PDSS1: variants seen among roughly 807,000 people sequenced by gnomAD.
PDSS1 encodes the protein all trans-polyprenyl-diphosphate synthase PDSS1.
Under a neutral mutation model 57.5 loss-of-function variants are expected in PDSS1, and 43 were observed. The observed-to-expected ratio is 0.75, with a 90% CI of 0.59 to 0.96. The LOEUF (loss-of-function observed/expected upper bound fraction) is 0.96, where lower values mean the gene tolerates loss of function less well. Ranked by LOEUF, PDSS1 falls within the 50% of genes least tolerant of loss-of-function variation. The pLI is 0.00. For synonymous variants in PDSS1, 175 were observed against 191.3 expected, an observed-to-expected ratio of 0.91 and a Z score of 0.70; for missense variants, 438 against 527.8, an observed-to-expected ratio of 0.83 and a Z score of 1.67.
chr10:26,697,862 C>T (rs1421149680), intron 1 of PDSS1, 22 bp downstream of exon 1: 4 of 1,292,818 alleles, frequency 3.1e-6, no homozygotes, highest in South Asian at 2.2e-5. Flanking sequence ...AGGCGCGCGC[C>T]CGGCGGGGCT....
intron 11 of PDSS1, among the ~76,000 whole-genome samples, chr10:26,746,030 C>T (rs184722625): frequency 3.3e-4 from 50 of 152,004 alleles, no homozygotes; most frequent in African/African-American, 1.2e-3. Context: ...ATACTTTGTA[C>T]ATAGAACTTC....
chr10:26,740,745 A>C (rs1836568598), intron 10 of PDSS1: 1 of 454,476 alleles, frequency 2.2e-6, no homozygotes, highest in African/African-American at 2.0e-5. Context: ...GTTAGAGCTC[A>C]AGGGCTTCCA....
chr10:26,732,892 A>C (rs1836262801), intron 8 of PDSS1, among the ~76,000 whole-genome samples: 1 of 152,092 alleles, frequency 6.6e-6, no homozygotes, highest in Non-Finnish European at 1.5e-5. Context: ...AGGCTGAGGC[A>C]GGCGGATCAC....
At chr10:26,742,405 T>G (rs1836652035) in intron 10 of PDSS1, 92 bp from the exon 11 acceptor site, 1 of 923,110 alleles carries the variant, frequency 1.1e-6, no homozygotes, top group Non-Finnish European at 1.7e-6. Context: ...TGTTTCTTGT[T>G]ATTTCCTATT....
rs1165401367 is a variant in PDSS1 at position 26,721,003 on chromosome 10, T to C, written c.609+644T>C. 2.0e-5 allele frequency among the ~76,000 whole-genome samples: 3 copies of C among 152,162 alleles called. No homozygotes were observed. The East Asian group carries it at 5.8e-4, about 29-fold the overall frequency. The stretch of plus-strand genomic sequence containing the variant: ...CATCGCCATCACCACACACGTGCTC[T>C]ACAAACAAAAAGTTTGTGCAGGCCA... On this transcript the variant is annotated intron_variant, in intron 6 of 11. Transcript: ENST00000376215.
At chr10:26,744,217 T>A (rs1049725132) in intron 11 of PDSS1, among the ~76,000 whole-genome samples, 2 of 152,228 alleles carry the variant, frequency 1.3e-5, no homozygotes, top group African/African-American at 4.8e-5. Context: ...GCTCAATGAA[T>A]AGCAAAGATA....
rs778744862 is a variant in PDSS1, at chr10:26,702,172, G to A, written c.140G>A (p.Arg47Gln). ...TTTTTGATTTTACAGGTTCATAGGC[G>A]GAAGGGACTTGACTTGTCTCAGGTA... ...AAEVRAQVHR[R>Q]KGLDLSQIPY... The change falls in exon 2 of 12, where the codon CGG becomes CAG. Residue 47 changes from arginine (R) to glutamine (Q), a missense_variant. By Grantham distance (43) the Arg-to-Gln change is conservative (BLOSUM62 1). Transcript: ENST00000376215. 30 of 455,126 alleles carry A rather than the reference G, an allele frequency of 6.6e-5. No homozygotes were observed. Among genetic ancestry groups the A allele is most frequent in the Admixed American group, 2.1e-4 (9 of 42,436 alleles). 28.2% of individuals were successfully genotyped at this position (455,126 alleles called of 1,614,324 possible).
chr10:26,720,907 AG>A (rs1210235981), intron 6 of PDSS1, among the ~76,000 whole-genome samples: 1 of 152,224 alleles, frequency 6.6e-6, no homozygotes. Context: ...ACTTGGTTTG[AG>A]GATGCATAGA....
In PDSS1 at chr10:26,746,630, T is replaced by G. The variant is rs1046187; in HGVS notation, c.*157T>G. 5,993 of 756,810 alleles carry G rather than the reference T, an allele frequency of 7.9e-3. 147 individuals carry two copies. Among genetic ancestry groups the G allele is most frequent in the African/African-American group, 0.069 (3,928 of 56,678 alleles). The allele number at this position is 756,810 out of a possible 1,614,324, so 46.9% of individuals were successfully genotyped here. ...AATTTATTTTTTTTTATTGCAAAAG[T>G]TTTTTCAGAAAACTTTTTAAATGTA... On this transcript the variant is annotated 3_prime_UTR_variant, in exon 12 of 12. Transcript: ENST00000376215.
intron 4 of PDSS1, 77 bp from the exon 5 acceptor site, chr10:26,709,561 C>CA (rs879190851): frequency 0.055 from 55,943 of 1,022,376 alleles, no homozygotes; most frequent in East Asian, 0.06. Flanking sequence ...AACTCCGTCT[C>CA]AAAAAAAAAA....
At chr10:26,724,652 A>G (rs1373924666) in intron 8 of PDSS1, among the ~76,000 whole-genome samples, 1 of 152,070 alleles carries the variant, frequency 6.6e-6, no homozygotes, top group Non-Finnish European at 1.5e-5. Context: ...ATCTTGGCTC[A>G]CTACAACCTC....
chr10:26,745,025 G>A (rs1458351349), intron 11 of PDSS1, among the ~76,000 whole-genome samples: 4 of 151,850 alleles, frequency 2.6e-5, no homozygotes, highest in South Asian at 4.2e-4. Flanking sequence ...TTAGCCAGGC[G>A]TGGTAGTGCA....
At chr10:26,728,192 C>A (rs1336964343) in intron 8 of PDSS1, among the ~76,000 whole-genome samples, 1 of 152,058 alleles carries the variant, frequency 6.6e-6, no homozygotes, top group African/African-American at 2.4e-5. Flanking sequence ...CCCATCTCTA[C>A]TAAAATTATA....
intron 4 of PDSS1, among the ~76,000 whole-genome samples, chr10:26,707,135 G>T (rs1298490259): frequency 6.6e-6 from 1 of 152,170 alleles, no homozygotes; most frequent in Admixed American, 6.5e-5. Flanking sequence ...GCCAGTGTTG[G>T]GGAGGGGAGC....
chr10:26,728,352 T>A (rs1478670424), intron 8 of PDSS1, among the ~76,000 whole-genome samples: 1 of 151,998 alleles, frequency 6.6e-6, no homozygotes, highest in Admixed American at 6.6e-5. Flanking sequence ...TAGCCGGGCG[T>A]AGTGGCAGGC....
At chr10:26,698,341 C>T (rs1166078677) in intron 1 of PDSS1, among the ~76,000 whole-genome samples, 6 of 152,000 alleles carry the variant, frequency 3.9e-5, no homozygotes, top group Non-Finnish European at 7.4e-5. Context: ...AGGGCTGGTG[C>T]TAGGGTGGAC....
chr10:26,734,622 T>G, intron 8 of PDSS1: 1 of 455,604 alleles, frequency 2.2e-6, no homozygotes, highest in Non-Finnish European at 4.4e-6. Flanking sequence ...GTGGGACCAG[T>G]GAAGTTCCTT....
chr10:26,744,540 G>A lies in PDSS1; in HGVS notation c.1108-1793G>A, dbSNP rs543995448. On this transcript the variant is annotated intron_variant, in intron 11 of 11. Transcript: ENST00000376215. ...CGAGTAGCTGGGACTACAGGCACCC[G>A]CCACCACGCCCGGCTGATTTTTGTA... 2.6e-5 allele frequency among the ~76,000 whole-genome samples: 4 copies of A among 152,094 alleles called. 1 individual carries two copies. The East Asian group carries it at 5.8e-4, about 22-fold the overall frequency.
rs776541262 is a variant in PDSS1 at position 26,742,478 on chromosome 10, TTC to T, written c.1027-13_1027-12del. 155 of 1,572,020 alleles carry T rather than the reference TTC, an allele frequency of 9.9e-5. No individual in the cohort carries two copies. The highest frequency in any genetic ancestry group is 3.3e-4 in the Middle Eastern group (2 of 5,986). On this transcript the variant is annotated splice_polypyrimidine_tract_variant and intron_variant, in intron 10 of 11. Coordinates refer to ENST00000376215, the MANE Select transcript of PDSS1 (RefSeq NM_014317.5). ...AGAAATAAATAGATTTTCTCAGATT[TTC>T]TCTCTTTTTTTGTTAGTTCCCAGAA...
Sources: allele counts gnomAD v4.1 joint callset (sites outside exome capture counted in the v4.1 genomes callset), GRCh38; gene constraint gnomAD v4.1.1; transcripts MANE v1.5; gene names NCBI Gene and HGNC (gene_info 2026-07-23, HGNC 2026-07-21).